Variants in UTS2 observed in about 807,000 individuals in gnomAD.
The protein encoded by UTS2 is urotensin-2.
Under a neutral mutation model 12.6 loss-of-function variants are expected in UTS2, and 10 were observed. The observed-to-expected ratio is 0.80, with a 90% CI of 0.49 to 1.35. The LOEUF (loss-of-function observed/expected upper bound fraction) is 1.35, where lower values mean the gene tolerates loss of function less well. Among genes scored for constraint, UTS2 ranks in the 40% most tolerant of loss-of-function variants. UTS2 has a pLI of 0.00. For synonymous variants in UTS2, 52 were observed against 50.0 expected (o/e 1.04, Z -0.17); for missense variants, 142 against 143.2 (o/e 0.99, Z 0.04).
the UTS2 span, among the ~76,000 whole-genome samples, chr1:7,886,756 G>A: frequency 6.6e-6 from 1 of 151,840 alleles, no homozygotes; most frequent in Non-Finnish European, 1.5e-5. Flanking sequence ...ATAATCAGAG[G>A]GGGAAAAAAA....
the UTS2 span, among the ~76,000 whole-genome samples, chr1:7,880,135 A>C: frequency 6.6e-6 from 1 of 151,878 alleles, no homozygotes; most frequent in Non-Finnish European, 1.5e-5. Flanking sequence ...GCACACACCT[A>C]TAGTCCCAGC....
the UTS2 span, among the ~76,000 whole-genome samples, chr1:7,889,099 G>A: frequency 2.7e-5 from 4 of 149,402 alleles, no homozygotes; most frequent in Non-Finnish European, 5.9e-5. Context: ...AAAAAAAAAA[G>A]GCCCAGAGAG....
At chr1:7,860,156 A>C in the UTS2 span, among the ~76,000 whole-genome samples, 24,862 of 152,152 alleles carry the variant, frequency 0.16, 2,471 homozygotes, top group South Asian at 0.25. Flanking sequence ...AAACAGACCA[A>C]GCCTCACCGA....
At chr1:7,899,846 G>A in the UTS2 span, among the ~76,000 whole-genome samples, 1 of 152,194 alleles carries the variant, frequency 6.6e-6, no homozygotes, top group Non-Finnish European at 1.5e-5. Context: ...GGAAGTTGTG[G>A]TCAATGTGTT....
the UTS2 span, among the ~76,000 whole-genome samples, chr1:7,906,465 AAG>A: frequency 6.8e-6 from 1 of 146,688 alleles, no homozygotes; most frequent in South Asian, 2.2e-4. Context: ...GAAAGAAAGA[AAG>A]AAAGAAAGAA....
chr1:7,853,304 T>TAG (rs776071622), upstream of UTS2: 26 of 1,614,048 alleles, frequency 1.6e-5, no homozygotes, highest in Non-Finnish European at 2.0e-5. Flanking sequence ...AGAGGCAACT[T>TAG]ACAGCAATAA....
At chr1:7,850,482 G>T (rs917264339) in intron 2 of UTS2, among the ~76,000 whole-genome samples, 5 of 152,130 alleles carry the variant, frequency 3.3e-5, no homozygotes, top group African/African-American at 9.7e-5. Flanking sequence ...AGTACAGAAA[G>T]ATTACTTTAA....
chr1:7,887,715 C>T, the UTS2 span, among the ~76,000 whole-genome samples: 1 of 149,890 alleles, frequency 6.7e-6, no homozygotes, highest in Non-Finnish European at 1.5e-5. Context: ...GTTGCGGTGA[C>T]CCACCACTCC....
the UTS2 span, among the ~76,000 whole-genome samples, chr1:7,876,208 G>GC: frequency 4.6e-5 from 7 of 152,270 alleles, 2 homozygotes; most frequent in African/African-American, 1.7e-4. Context: ...CATTGTCTGG[G>GC]CCCGGGGGAT....
chr1:7,859,435 G>A, the UTS2 span, among the ~76,000 whole-genome samples: 1 of 152,194 alleles, frequency 6.6e-6, no homozygotes, highest in Non-Finnish European at 1.5e-5. Context: ...ATAGTGGGGA[G>A]AATGGTGGGG....
chr1:7,885,601 G>GC, the UTS2 span, among the ~76,000 whole-genome samples: 3 of 152,066 alleles, frequency 2.0e-5, no homozygotes, highest in Non-Finnish European at 2.9e-5. Context: ...GGGGAGGGGA[G>GC]CGAGGTGAGG....
At chr1:7,857,439 T>C (rs767942821), upstream of UTS2, among the ~76,000 whole-genome samples, 1 of 148,452 alleles carries the variant, frequency 6.7e-6, no homozygotes, top group Non-Finnish European at 1.5e-5. Flanking sequence ...GAAAATATAA[T>C]AAAAGAACTA....
At chr1:7,876,664 G>A in the UTS2 span, among the ~76,000 whole-genome samples, 6 of 152,010 alleles carry the variant, frequency 3.9e-5, no homozygotes, top group East Asian at 7.7e-4. Flanking sequence ...CACCACTGGT[G>A]CTGAAAAAAA....
the UTS2 span, among the ~76,000 whole-genome samples, chr1:7,888,631 A>G: frequency 6.6e-6 from 1 of 152,248 alleles, no homozygotes; most frequent in Non-Finnish European, 1.5e-5. Flanking sequence ...CACAATGTCT[A>G]AGACGAAGGA....
At chr1:7,856,115 G>A (rs1209774399), upstream of UTS2, among the ~76,000 whole-genome samples, 5 of 152,034 alleles carry the variant, frequency 3.3e-5, no homozygotes, top group African/African-American at 1.2e-4. Flanking sequence ...CCAGGTGTGA[G>A]CCTCCACACC....
chr1:7,850,825 A>C lies in UTS2; in HGVS notation c.201T>G (p.Ile67Met). ...GAAGCATTTTACCTGCTTTCCTGAG[A>C]ATATCCCCTCTTTCTGCACCCAGCA... ...PEMLGAERGDILRKADSSTNI... is the reference protein window; with the variant it reads ...PEMLGAERGDMLRKADSSTNI... Residue 67 changes from isoleucine to methionine, a missense_variant, in exon 2 of 4, where the codon ATT (isoleucine) becomes ATG (methionine). Coordinates refer to ENST00000361696, the MANE Select transcript of UTS2 (RefSeq NM_006786.4). 1 of 1,614,208 alleles carries C rather than the reference A, an allele frequency of 6.2e-7. No individual in the cohort carries two copies. Among genetic ancestry groups the C allele is most frequent in the Non-Finnish European group, 8.5e-7 (1 of 1,180,038 alleles).
chr1:7,856,649 T>A (rs1279292976), upstream of UTS2, among the ~76,000 whole-genome samples: 1 of 40,340 alleles, frequency 2.5e-5, no homozygotes, highest in African/African-American at 1.1e-4. Flanking sequence ...AGATGGAAAG[T>A]GCTCGAATCA....
Position 7,849,653 on chromosome 1 carries a change from C to G in UTS2, c.245G>C (p.Gly82Ala), listed in dbSNP as rs774049000. The part of the protein sequence containing the change: ...DSSTNIFNPR[G>A]NLRKFQDFSG... ...AGAGTCACTTACCTTTCTCAAATTTCCTCTTGGGTTAAAAATGTTGGTACT... is the reference window on the plus strand; with the variant it reads ...AGAGTCACTTACCTTTCTCAAATTTGCTCTTGGGTTAAAAATGTTGGTACT... The change falls in exon 3 of 4, where the codon GGA (glycine) becomes GCA (alanine). Residue 82 changes from glycine to alanine, a missense_variant. By Grantham distance (60) the Gly-to-Ala change is moderately conservative. Coordinates refer to ENST00000361696, the MANE Select transcript of UTS2 (RefSeq NM_006786.4). 1 of 1,610,308 alleles carries G rather than the reference C, an allele frequency of 6.2e-7. No homozygotes were observed. The highest frequency in any genetic ancestry group is 1.3e-5 in the African/African-American group (1 of 74,756).
At chr1:7,870,161 C>T in the UTS2 span, among the ~76,000 whole-genome samples, 1 of 152,184 alleles carries the variant, frequency 6.6e-6, no homozygotes, top group African/African-American at 2.4e-5. Flanking sequence ...ACCCCCGGTA[C>T]CTTCAAAGGT....
Sources: allele counts gnomAD v4.1 joint callset (sites outside exome capture counted in the v4.1 genomes callset), GRCh38; gene constraint gnomAD v4.1.1; transcripts MANE v1.5; gene names NCBI Gene and HGNC (gene_info 2026-07-23, HGNC 2026-07-21).